Variants in GRIN2B observed in about 807,000 individuals in gnomAD.
GRIN2B encodes glutamate ionotropic receptor NMDA type subunit 2B.
Under a neutral mutation model 114.5 loss-of-function variants are expected in GRIN2B, and 5 were observed. The ratio of observed to expected loss-of-function variants is 0.04; its 90% CI spans 0.02 to 0.09. The LOEUF (loss-of-function observed/expected upper bound fraction) is 0.09. GRIN2B is among the 10% of genes least tolerant of loss of function. The pLI is 1.00. For synonymous variants in GRIN2B, 787 were observed against 745.1 expected, an observed-to-expected ratio of 1.06 and a Z score of -0.92; for missense variants, 1,108 against 1,943.5, an observed-to-expected ratio of 0.57 and a Z score of 8.08.
chr12:13,687,605 T>C (rs1282793001), intron 4 of GRIN2B, among the ~76,000 whole-genome samples: 5 of 152,222 alleles, frequency 3.3e-5, no homozygotes, highest in Non-Finnish European at 5.9e-5. Context: ...AAACTTAACA[T>C]GACCAAGTCC....
intron 10 of GRIN2B, among the ~76,000 whole-genome samples, chr12:13,593,464 A>C (rs1949033898): frequency 6.6e-6 from 1 of 152,256 alleles, no homozygotes; most frequent in Non-Finnish European, 1.5e-5. Flanking sequence ...CCTATTTAAT[A>C]AATGGTGTTG....
intron 2 of GRIN2B, among the ~76,000 whole-genome samples, chr12:13,938,772 C>A (rs956569482): frequency 1.3e-5 from 2 of 152,062 alleles, no homozygotes. Flanking sequence ...GAACTTCCTT[C>A]GATGATGGAA....
At chr12:13,942,152 G>A (rs1354226115) in intron 2 of GRIN2B, among the ~76,000 whole-genome samples, 1 of 152,168 alleles carries the variant, frequency 6.6e-6, no homozygotes, top group African/African-American at 2.4e-5. Context: ...TGAGATCACA[G>A]ACTTCATCGG....
Position 13,549,530 on chromosome 12 carries a change from C to T in GRIN2B, c.*13253G>A, listed in dbSNP as rs1948385104. The T allele has an allele frequency of 6.6e-6, 1 of 152,156 alleles. No individual in the cohort carries two copies. Among genetic ancestry groups the T allele is most frequent in the Non-Finnish European group, 1.5e-5 (1 of 68,032 alleles). 9.4% of individuals were successfully genotyped at this position (152,156 alleles called of 1,614,324 possible). ...TAAGGGGCTCTCCCTTGAGGCTGCCCTGCTCACTGTGGGCTGACCAAAACT... is the reference window on the plus strand; with the variant it reads ...TAAGGGGCTCTCCCTTGAGGCTGCCTTGCTCACTGTGGGCTGACCAAAACT... On this transcript the variant is annotated 3_prime_UTR_variant, in exon 14 of 14. Coordinates refer to ENST00000609686, the MANE Select transcript of GRIN2B (RefSeq NM_000834.5).
In GRIN2B at chr12:13,567,280, G is replaced by A. The variant is rs1204334824; in HGVS notation, c.2360-17C>T. The A allele has an allele frequency of 6.4e-7, 1 of 1,559,694 alleles. No homozygotes were observed. Among genetic ancestry groups the A allele is most frequent in the Non-Finnish European group, 8.8e-7 (1 of 1,130,714 alleles). ...CCATCTCCCCTGGGGAAAGGACAGAGAAGGAAAATGGATAAAAAGAGGAGA... is the reference window on the plus strand; with the variant it reads ...CCATCTCCCCTGGGGAAAGGACAGAAAAGGAAAATGGATAAAAAGAGGAGA... On this transcript the variant is annotated splice_polypyrimidine_tract_variant and intron_variant, in intron 12 of 13. Transcript: ENST00000609686.
chr12:13,957,576 C>G (rs1867614479), intron 2 of GRIN2B, among the ~76,000 whole-genome samples: 1 of 152,184 alleles, frequency 6.6e-6, no homozygotes, highest in Admixed American at 6.5e-5. Context: ...CTCCCATGAC[C>G]TGTCTCCTGT....
chr12:13,566,959 T>C, intron 13 of GRIN2B, 66 bp downstream of exon 13: 4 of 1,095,574 alleles, frequency 3.7e-6, no homozygotes, highest in Middle Eastern at 3.9e-4. Context: ...TGGTTCTCTC[T>C]GCTTTGCACA....
At position 13,537,546 on chromosome 12, in the gene GRIN2B, T is replaced by G. The variant is rs1435214539; in HGVS notation, c.*25237A>C. The G allele has an allele frequency of 6.6e-6, 1 of 152,106 alleles. No individual in the cohort carries two copies. Among genetic ancestry groups the G allele is most frequent in the East Asian group, 1.9e-4 (1 of 5,182 alleles). The allele number at this position is 152,106 out of a possible 1,614,324, so 9.4% of individuals were successfully genotyped here. ...TTCCAAAGGGTGACTGTCTGTGCTGTGAATAGTTGTCCATGGTGAGAGGAG... is the reference window on the plus strand; with the variant it reads ...TTCCAAAGGGTGACTGTCTGTGCTGGGAATAGTTGTCCATGGTGAGAGGAG... On this transcript the variant is annotated 3_prime_UTR_variant, in exon 14 of 14. Coordinates refer to ENST00000609686, the MANE Select transcript of GRIN2B (RefSeq NM_000834.5).
At chr12:13,962,935 C>G (rs1368546416) in intron 2 of GRIN2B, among the ~76,000 whole-genome samples, 2 of 152,232 alleles carry the variant, frequency 1.3e-5, no homozygotes, top group African/African-American at 2.4e-5. Context: ...TCTGTCTCCC[C>G]CTGGCTGTCA....
intron 9 of GRIN2B, among the ~76,000 whole-genome samples, chr12:13,611,000 T>G (rs1949359356): frequency 6.6e-6 from 1 of 152,192 alleles, no homozygotes; most frequent in African/African-American, 2.4e-5. Flanking sequence ...ATCCTGGGGT[T>G]CTCAGGAAGT....
intron 5 of GRIN2B, among the ~76,000 whole-genome samples, chr12:13,661,283 C>T (rs1192964913): frequency 6.6e-6 from 1 of 152,162 alleles, no homozygotes; most frequent in Non-Finnish European, 1.5e-5. Context: ...ATGCACACTC[C>T]TCATGTGCCT....
chr12:13,939,680 G>C lies in GRIN2B; in HGVS notation c.-19+40248C>G, dbSNP rs79054082. ...AGTAATCCTCCCAGTTCAGCCTCCTGAGTAGCTGGGTGCACACCACCATGC... is the reference window on the plus strand; with the variant it reads ...AGTAATCCTCCCAGTTCAGCCTCCTCAGTAGCTGGGTGCACACCACCATGC... On this transcript the variant is annotated intron_variant, in intron 2 of 13. Coordinates refer to ENST00000609686, the MANE Select transcript of GRIN2B (RefSeq NM_000834.5). Among the ~76,000 whole-genome samples, 20 of 150,684 alleles carry C rather than the reference G, an allele frequency of 1.3e-4. No homozygotes were observed. The Middle Eastern group carries it at 0.014, about 104-fold the overall frequency.
intron 10 of GRIN2B, among the ~76,000 whole-genome samples, chr12:13,605,246 C>T (rs868730297): frequency 5.9e-4 from 89 of 152,034 alleles, no homozygotes; most frequent in African/African-American, 1.9e-3. Context: ...ACTAATTTCC[C>T]AGATGAGCTA....
At chr12:13,945,475 G>T (rs922306837) in intron 2 of GRIN2B, among the ~76,000 whole-genome samples, 1 of 152,158 alleles carries the variant, frequency 6.6e-6, no homozygotes, top group Non-Finnish European at 1.5e-5. Flanking sequence ...GCTACCTACC[G>T]CTGTTGATAC....
rs200539507 is a variant in GRIN2B at position 13,866,218 on chromosome 12, G to A, written c.-10C>T. On this transcript the variant is annotated 5_prime_UTR_variant, in exon 3 of 14. It adds an upstream start codon to the 5' untranslated region. Coordinates refer to ENST00000609686, the MANE Select transcript of GRIN2B (RefSeq NM_000834.5). ...CCGCTCTGGGCTTCATCTTCAACTC[G>A]TCGACTCCCTGCAAACACAAAGAAA... 22 of 1,604,670 alleles carry A rather than the reference G, an allele frequency of 1.4e-5. No individual in the cohort carries two copies. The highest frequency in any genetic ancestry group is 1.6e-4 in the Middle Eastern group (1 of 6,082).
chr12:13,762,087 T>G (rs1863689569), intron 3 of GRIN2B, among the ~76,000 whole-genome samples: 1 of 152,164 alleles, frequency 6.6e-6, no homozygotes, highest in South Asian at 2.1e-4. Context: ...CACTGCAACC[T>G]CCATCTCCCA....
chr12:13,750,274 G>A (rs777985855), intron 4 of GRIN2B, among the ~76,000 whole-genome samples: 2 of 152,318 alleles, frequency 1.3e-5, no homozygotes, highest in Non-Finnish European at 2.9e-5. Flanking sequence ...CTTCCTGGGT[G>A]GCCACACGGG....
chr12:13,660,134 T>C (rs150953287), intron 5 of GRIN2B, among the ~76,000 whole-genome samples: 1,989 of 152,282 alleles, frequency 0.013, 33 homozygotes, highest in South Asian at 0.02. Context: ...AAGCTAGTCC[T>C]TTCATGTGCA....
chr12:13,868,758 T>C (rs1384680852), intron 2 of GRIN2B, among the ~76,000 whole-genome samples: 3 of 152,224 alleles, frequency 2.0e-5, no homozygotes, highest in African/African-American at 7.2e-5. Flanking sequence ...CAGTGGCTAG[T>C]TGTGACACCC....
Sources: gnomAD v4.1 joint callset for allele counts (sites outside exome capture counted in the v4.1 genomes callset) on GRCh38, gnomAD v4.1.1 for gene constraint, MANE v1.5 for transcripts, NCBI Gene and HGNC (gene_info 2026-07-23, HGNC 2026-07-21) for gene names.